The following OXR1 variants were observed in gnomAD, a reference collection of about 807,000 sequenced individuals.
OXR1 encodes the protein oxidation resistance protein 1.
Under a neutral mutation model 104.6 loss-of-function variants are expected in OXR1, and 41 were observed. The ratio of observed to expected loss-of-function variants is 0.39; its 90% CI spans 0.31 to 0.51. The LOEUF (loss-of-function observed/expected upper bound fraction) is 0.51. OXR1 is among the 20% of genes least tolerant of loss of function. OXR1 has a pLI of 0.77. For missense variants in OXR1, 955 were observed against 1,031.9 expected (o/e 0.93, Z 1.02); for synonymous variants, 348 against 348.4 (o/e 1.00, Z 0.01).
intron 3 of OXR1, among the ~76,000 whole-genome samples, chr8:106,676,866 A>G (rs116283739): frequency 0.028 from 4,282 of 152,108 alleles, 208 homozygotes; most frequent in African/African-American, 0.099. Context: ...TAATTATTGC[A>G]TAATATTTTA....
At chr8:106,314,906 C>T (rs778965239) in intron 1 of OXR1, among the ~76,000 whole-genome samples, 15 of 152,178 alleles carry the variant, frequency 9.9e-5, no homozygotes, top group Admixed American at 1.3e-4. Flanking sequence ...ATTTTATCTC[C>T]GTGATGACAT....
intron 2 of OXR1, among the ~76,000 whole-genome samples, chr8:106,409,408 T>C (rs990980360): frequency 5.3e-5 from 8 of 151,940 alleles, no homozygotes; most frequent in African/African-American, 1.9e-4. Context: ...GAAACCAACC[T>C]GGGAAACAGC....
intron 3 of OXR1, among the ~76,000 whole-genome samples, chr8:106,620,785 T>C (rs1446469379): frequency 2.6e-5 from 4 of 152,198 alleles, no homozygotes; most frequent in Admixed American, 2.6e-4. Context: ...AAATAATTTC[T>C]TTATCTATAA....
At chr8:106,659,814 A>G (rs1825569767) in intron 3 of OXR1, among the ~76,000 whole-genome samples, 1 of 152,186 alleles carries the variant, frequency 6.6e-6, no homozygotes, top group African/African-American at 2.4e-5. Context: ...GGCAGCAGAG[A>G]GACACTTATG....
chr8:106,422,470 A>T (rs1246663661), intron 2 of OXR1, among the ~76,000 whole-genome samples: 1 of 152,162 alleles, frequency 6.6e-6, no homozygotes, highest in Admixed American at 6.5e-5. Flanking sequence ...AAGACAATAA[A>T]TATTTGCTTA....
intron 3 of OXR1, among the ~76,000 whole-genome samples, chr8:106,658,403 TC>T (rs1356399190): frequency 6.6e-6 from 1 of 152,080 alleles, no homozygotes; most frequent in Non-Finnish European, 1.5e-5. Flanking sequence ...TGCCAGCTCT[TC>T]CTGCTCTGCT....
Position 106,737,515 on chromosome 8 carries a change from T to C in OXR1, c.1957-5T>C. ...GAATTATTGTCTTCCTGTCTCCATA[T>C]TTAGGTAGTGTCAGTGGCTGAGTAT... On this transcript the variant is annotated splice_polypyrimidine_tract_variant and splice_region_variant and intron_variant, in intron 11 of 16. Transcript: ENST00000517566. 2 of 1,163,252 alleles carry C rather than the reference T, an allele frequency of 1.7e-6. No individual in the cohort carries two copies. Among genetic ancestry groups the C allele is most frequent in the South Asian group, 4.2e-5 (2 of 47,862 alleles). The allele number at this position is 1,163,252 out of a possible 1,614,324, so 72.1% of individuals were successfully genotyped here. A position where few individuals can be genotyped will look rare whatever the true frequency, so the allele number is the denominator to read the frequency against.
At chr8:106,380,070 T>C (rs1586585648) in intron 2 of OXR1, among the ~76,000 whole-genome samples, 1 of 152,254 alleles carries the variant, frequency 6.6e-6, no homozygotes. Context: ...AAAGAAATAC[T>C]GAACCCGTTA....
chr8:106,431,208 A>G (rs553549206), intron 2 of OXR1, among the ~76,000 whole-genome samples: 3 of 152,276 alleles, frequency 2.0e-5, no homozygotes, highest in Admixed American at 2.0e-4. Flanking sequence ...ACAGAGATGA[A>G]TTGTCCCCAC....
At chr8:106,395,752 G>T (rs2130457038) in intron 2 of OXR1, among the ~76,000 whole-genome samples, 1 of 152,138 alleles carries the variant, frequency 6.6e-6, no homozygotes, top group East Asian at 1.9e-4. Flanking sequence ...ATACACTATT[G>T]GTAAAGAGCA....
At chr8:106,650,784 C>A (rs1315291106) in intron 3 of OXR1, among the ~76,000 whole-genome samples, 5 of 152,218 alleles carry the variant, frequency 3.3e-5, no homozygotes, top group East Asian at 1.9e-4. Flanking sequence ...ACATTGTTTT[C>A]AAAAATTGAA....
intron 2 of OXR1, among the ~76,000 whole-genome samples, chr8:106,372,079 A>T (rs1197724013): frequency 6.6e-6 from 1 of 152,248 alleles, no homozygotes; most frequent in East Asian, 1.9e-4. Context: ...CAGCAGGCTT[A>T]GGCAGATTCC....
chr8:106,466,077 C>T (rs1388599632), intron 2 of OXR1, among the ~76,000 whole-genome samples: 1 of 151,832 alleles, frequency 6.6e-6, no homozygotes, highest in African/African-American at 2.4e-5. Context: ...TCTAATAGTC[C>T]ACATATTTTG....
At chr8:106,685,617 G>A (rs568866534) in intron 6 of OXR1, among the ~76,000 whole-genome samples, 2 of 151,788 alleles carry the variant, frequency 1.3e-5, no homozygotes, top group East Asian at 3.9e-4. Flanking sequence ...CAGTGACTTA[G>A]CTACTGTCAA....
intron 2 of OXR1, among the ~76,000 whole-genome samples, chr8:106,384,231 C>A (rs1817273502): frequency 1.3e-5 from 2 of 152,162 alleles, no homozygotes; most frequent in South Asian, 4.1e-4. Context: ...ATGATGGTAT[C>A]ATTAAGGACA....
At chr8:106,387,698 G>T (rs1405852807) in intron 2 of OXR1, among the ~76,000 whole-genome samples, 1 of 152,146 alleles carries the variant, frequency 6.6e-6, no homozygotes, top group Middle Eastern at 3.2e-3. Flanking sequence ...ATCTCTCATA[G>T]TATTTAATTT....
intron 3 of OXR1, among the ~76,000 whole-genome samples, chr8:106,581,507 TA>T (rs200066716): frequency 3.3e-5 from 5 of 151,864 alleles, no homozygotes; most frequent in Admixed American, 6.6e-5. Context: ...GTTTTTTTTT[TA>T]AAAAAAACCT....
chr8:106,544,203 T>C (rs1396865968), intron 3 of OXR1, among the ~76,000 whole-genome samples: 1 of 149,732 alleles, frequency 6.7e-6, no homozygotes, highest in Non-Finnish European at 1.5e-5. Context: ...AGCTTTTTCT[T>C]TTTCTTTTTT....
intron 2 of OXR1, among the ~76,000 whole-genome samples, chr8:106,416,615 C>A (rs1211534713): frequency 6.6e-6 from 1 of 151,744 alleles, no homozygotes; most frequent in East Asian, 1.9e-4. Context: ...AAAGTGAATA[C>A]CATAGTGCAC....
Sources: allele counts gnomAD v4.1 joint callset (sites outside exome capture counted in the v4.1 genomes callset), GRCh38; gene constraint gnomAD v4.1.1; transcripts MANE v1.5; gene names NCBI Gene and HGNC (gene_info 2026-07-23, HGNC 2026-07-21).